Variants in SCFD2 observed in about 807,000 individuals in gnomAD.
SCFD2 encodes sec1 family domain containing 2.
SCFD2 carries 54 observed loss-of-function variants against 58.9 expected under a neutral mutation model. That is an observed-to-expected ratio of 0.92 (90% confidence interval 0.74 to 1.15). The LOEUF (loss-of-function observed/expected upper bound fraction) is 1.15, where lower values mean the gene tolerates loss of function less well. Among genes scored for constraint, SCFD2 ranks in the 50% most tolerant of loss-of-function variants. The pLI is 0.00. For synonymous variants in SCFD2, 321 were observed against 335.9 expected (o/e 0.96, Z 0.49); for missense variants, 805 against 836.6 (o/e 0.96, Z 0.47).
Position 53,125,013 on chromosome 4 carries a change from C to T in SCFD2, c.1561+20320G>A, listed in dbSNP as rs145426302. 6.1e-3 allele frequency among the ~76,000 whole-genome samples: 924 copies of T among 152,192 alleles called. 16 individuals are homozygous for T. Among genetic ancestry groups the T allele is most frequent in the African/African-American group, 0.021 (871 of 41,538 alleles). On this transcript the variant is annotated intron_variant, in intron 5 of 8. Coordinates refer to ENST00000401642, the MANE Select transcript of SCFD2 (RefSeq NM_152540.4). ...TTAAGTGATTTGCCCAAGATCACCCCGGGAGAAGGAACACATGTGGATAAA... is the reference window on the plus strand; with the variant it reads ...TTAAGTGATTTGCCCAAGATCACCCTGGGAGAAGGAACACATGTGGATAAA...
chr4:53,119,391 G>C (rs1300399685), intron 5 of SCFD2, among the ~76,000 whole-genome samples: 2 of 151,956 alleles, frequency 1.3e-5, no homozygotes, highest in East Asian at 3.9e-4. Flanking sequence ...TGAGGCACAA[G>C]AATCGTTTGA....
chr4:52,997,689 T>C (rs1721774635), intron 5 of SCFD2, among the ~76,000 whole-genome samples: 1 of 152,184 alleles, frequency 6.6e-6, no homozygotes, highest in Non-Finnish European at 1.5e-5. Context: ...AAATAGACTT[T>C]AGGCAAAAAC....
chr4:53,278,316 AC>A (rs1731396924), intron 3 of SCFD2, among the ~76,000 whole-genome samples: 1 of 151,174 alleles, frequency 6.6e-6, no homozygotes, highest in African/African-American at 2.4e-5. Context: ...CCGAGATTGC[AC>A]CACTGCATTC....
chr4:53,352,843 C>T (rs1734271588), intron 1 of SCFD2, 77 bp from the exon 2 acceptor site: 2 of 1,220,018 alleles, frequency 1.6e-6, no homozygotes, highest in Non-Finnish European at 1.2e-6. Flanking sequence ...TTATCACACA[C>T]CTTCTATCAA....
chr4:53,130,679 T>G (rs2095093914), intron 5 of SCFD2, among the ~76,000 whole-genome samples: 1 of 152,182 alleles, frequency 6.6e-6, no homozygotes, highest in South Asian at 2.1e-4. Flanking sequence ...TCAGTCAGCT[T>G]CCTTTCCTGG....
intron 4 of SCFD2, among the ~76,000 whole-genome samples, chr4:53,180,960 G>A (rs1445257143): frequency 6.6e-6 from 1 of 152,128 alleles, no homozygotes; most frequent in East Asian, 1.9e-4. Context: ...CCAGGAAGAA[G>A]TTGAATCTCT....
chr4:52,974,706 T>C (rs7376977), intron 5 of SCFD2, among the ~76,000 whole-genome samples: 56,982 of 150,294 alleles, frequency 0.38, 11,815 homozygotes, highest in Admixed American at 0.53. Flanking sequence ...GAGCCTGCAT[T>C]GCCAAGTCAA....
chr4:53,365,988 T>C lies in SCFD2; in HGVS notation c.-47A>G, dbSNP rs764318178. 1 of 1,501,284 alleles carries C rather than the reference T, an allele frequency of 6.7e-7. No individual in the cohort carries two copies. The highest frequency in any genetic ancestry group is 1.3e-5 in the South Asian group (1 of 75,228). 93.0% of individuals were successfully genotyped at this position (1,501,284 alleles called of 1,614,324 possible). On this transcript the variant is annotated 5_prime_UTR_variant, in exon 1 of 9. Coordinates refer to ENST00000401642, the MANE Select transcript of SCFD2 (RefSeq NM_152540.4). The surrounding 1 kb of genome is among the most constrained non-coding windows in gnomAD (Gnocchi z 4.3). Reference sequence around the variant, plus strand: ...GGAAACTACGGTGCAGGAACTTCTTTCAGAACTCACCGCTTCCGGAAATTG... The same window carrying C: ...GGAAACTACGGTGCAGGAACTTCTTCCAGAACTCACCGCTTCCGGAAATTG...
intron 3 of SCFD2, among the ~76,000 whole-genome samples, chr4:53,303,169 A>T (rs906183079): frequency 1.3e-5 from 2 of 152,224 alleles, no homozygotes; most frequent in East Asian, 1.9e-4. Context: ...CAGGCAACCT[A>T]CAGAATGGGA....
At chr4:53,294,724 T>C (rs1416733127) in intron 3 of SCFD2, among the ~76,000 whole-genome samples, 1 of 152,254 alleles carries the variant, frequency 6.6e-6, no homozygotes, top group Non-Finnish European at 1.5e-5. Flanking sequence ...CATGCCTATG[T>C]CCTGAATGGT....
chr4:53,102,691 T>C (rs973464701), intron 5 of SCFD2, among the ~76,000 whole-genome samples: 18 of 152,050 alleles, frequency 1.2e-4, no homozygotes, highest in Admixed American at 5.2e-4. Flanking sequence ...TTCTCATCCA[T>C]CAGTTTGACA....
intron 5 of SCFD2, among the ~76,000 whole-genome samples, chr4:53,037,385 G>C (rs1446768726): frequency 6.6e-6 from 1 of 151,988 alleles, no homozygotes; most frequent in Non-Finnish European, 1.5e-5. Context: ...CATTTTCTGT[G>C]ATTTGCATAT....
At chr4:53,035,940 T>C (rs1420566342) in intron 5 of SCFD2, among the ~76,000 whole-genome samples, 1 of 152,156 alleles carries the variant, frequency 6.6e-6, no homozygotes, top group Non-Finnish European at 1.5e-5. Flanking sequence ...GATCTAGACC[T>C]AGAAATACCA....
intron 4 of SCFD2, among the ~76,000 whole-genome samples, chr4:53,147,522 A>G (rs115069439): frequency 6.6e-6 from 1 of 152,246 alleles, no homozygotes; most frequent in East Asian, 1.9e-4. Flanking sequence ...GGAATGGACG[A>G]GGTAAAAATG....
At chr4:53,056,494 A>G (rs1370923826) in intron 5 of SCFD2, among the ~76,000 whole-genome samples, 2 of 152,156 alleles carry the variant, frequency 1.3e-5, no homozygotes, top group African/African-American at 4.8e-5. Flanking sequence ...TAGGCTAATT[A>G]TGTTTTATCC....
chr4:53,295,122 A>C (rs1472943116), intron 3 of SCFD2, among the ~76,000 whole-genome samples: 1 of 151,020 alleles, frequency 6.6e-6, no homozygotes, highest in African/African-American at 2.4e-5. Flanking sequence ...GGCTATGCAG[A>C]CTCTTTTTTG....
chr4:53,188,561 A>G (rs2148955564), intron 4 of SCFD2, among the ~76,000 whole-genome samples: 1 of 152,138 alleles, frequency 6.6e-6, no homozygotes, highest in South Asian at 2.1e-4. Context: ...TCCTCCCTAC[A>G]TGGCAAGGAA....
intron 1 of SCFD2, among the ~76,000 whole-genome samples, chr4:53,364,731 CAG>C (rs3065034): frequency 0.55 from 83,504 of 151,872 alleles, 25,128 homozygotes; most frequent in Non-Finnish European, 0.67. Flanking sequence ...TCCAACAAAC[CAG>C]AGTCTTCTTA....
rs542053180 is a variant in SCFD2 at position 53,153,540 on chromosome 4, C to G, written c.1312-7958G>C. 1.1e-4 allele frequency among the ~76,000 whole-genome samples: 16 copies of G among 151,992 alleles called. No homozygotes were observed. In the East Asian group the frequency reaches 2.9e-3, roughly 28 times the overall value. On this transcript the variant is annotated intron_variant, in intron 4 of 8. Transcript: ENST00000401642. ...ATTCTTTCCTCCTACACCTCTGGCCCTGTAATGAGAGGGGCTGCAAAGGAG... is the reference window on the plus strand; with the variant it reads ...ATTCTTTCCTCCTACACCTCTGGCCGTGTAATGAGAGGGGCTGCAAAGGAG...
Sources: gnomAD v4.1 joint callset for allele counts (sites outside exome capture counted in the v4.1 genomes callset) on GRCh38, gnomAD v4.1.1 for gene constraint, Gnocchi (gnomAD v3.1) non-coding constraint, MANE v1.5 for transcripts, NCBI Gene and HGNC (gene_info 2026-07-23, HGNC 2026-07-21) for gene names.